Variants in SPON1 observed in about 807,000 individuals in gnomAD.
The protein encoded by SPON1 is spondin-1.
SPON1 carries 52 observed loss-of-function variants against 111.7 expected under a neutral mutation model. That is an observed-to-expected ratio of 0.47 (90% CI 0.37 to 0.59). The LOEUF (loss-of-function observed/expected upper bound fraction) is 0.59, where lower values mean the gene tolerates loss of function less well. SPON1 is among the 20% of genes least tolerant of loss of function. The pLI, the probability that SPON1 is intolerant of heterozygous loss-of-function variation, is 0.00. For missense variants in SPON1, 957 were observed against 1,068.5 expected (o/e 0.90, Z 1.46); for synonymous variants, 410 against 395.8 (o/e 1.04, Z -0.43).
Position 14,135,665 on chromosome 11 carries a change from G to A in SPON1, c.825+97G>A, listed in dbSNP as rs147720221. The A allele has an allele frequency of 6.3e-4, 785 of 1,247,096 alleles. 5 individuals are homozygous for A. The African/African-American group carries it at 9.9e-3, about 16-fold the overall frequency. The allele number at this position is 1,247,096 out of a possible 1,614,324, so 77.3% of individuals were successfully genotyped here. The stretch of plus-strand genomic sequence containing the variant: ...AGGGGCTTGAAATTTGCAGTACAAT[G>A]TGGTGGAAGAAAATCTATTTGCTGA... On this transcript the variant is annotated intron_variant, in intron 6 of 15. Coordinates refer to ENST00000576479, the MANE Select transcript of SPON1 (RefSeq NM_006108.4). This position sits in a 1 kb window ranked among gnomAD's most constrained non-coding sequence, Gnocchi z 4.4.
Position 13,967,443 on chromosome 11 carries a change from AT to A in SPON1, c.238+4304del, listed in dbSNP as rs782194011. Among the ~76,000 whole-genome samples, 50 of 152,190 alleles carry A rather than the reference AT, an allele frequency of 3.3e-4. No individual in the cohort carries two copies. In the Middle Eastern group the frequency reaches 0.01, roughly 31 times the overall value. On this transcript the variant is annotated intron_variant, in intron 1 of 15. Transcript: ENST00000576479. The stretch of plus-strand genomic sequence containing the variant: ...CATTTCCCCATAAACTAGAGGATTA[AT>A]TTAGAAACATGAAGAACCTTGTCAG...
intron 2 of SPON1, 117 bp downstream of exon 2, chr11:13,983,070 G>A: frequency 1.5e-6 from 1 of 656,190 alleles, no homozygotes; most frequent in Middle Eastern, 4.1e-4. Flanking sequence ...GGCCAACGGG[G>A]GCAGGTCCAT....
At chr11:14,091,508 C>T (rs1438137482) in intron 5 of SPON1, among the ~76,000 whole-genome samples, 6 of 152,150 alleles carry the variant, frequency 3.9e-5, no homozygotes, top group East Asian at 3.9e-4. Context: ...AGAAATTGAG[C>T]GCAGCACCGG....
intron 5 of SPON1, among the ~76,000 whole-genome samples, chr11:14,102,562 A>T (rs1849152285): frequency 6.6e-6 from 1 of 152,222 alleles, no homozygotes; most frequent in African/African-American, 2.4e-5. Context: ...TTTTGTAGCA[A>T]ATCAAAAATA....
At chr11:14,025,222 T>C (rs1310339840) in intron 2 of SPON1, among the ~76,000 whole-genome samples, 1 of 152,226 alleles carries the variant, frequency 6.6e-6, no homozygotes, top group Non-Finnish European at 1.5e-5. Context: ...TCATTCCTCC[T>C]CTTACAGACT....
At chr11:14,220,079 C>T (rs1431844041) in intron 6 of SPON1, among the ~76,000 whole-genome samples, 1 of 125,978 alleles carries the variant, frequency 7.9e-6, no homozygotes, top group Non-Finnish European at 1.6e-5. Context: ...AGAGTGAGCA[C>T]TTGGATCAAA....
intron 2 of SPON1, among the ~76,000 whole-genome samples, chr11:14,030,295 C>T (rs1848548806): frequency 6.6e-6 from 1 of 152,228 alleles, no homozygotes; most frequent in Admixed American, 6.5e-5. Context: ...CAGCCTTGCT[C>T]CCAAGCCTGG....
Position 14,079,984 on chromosome 11 carries a change from G to T in SPON1, c.639G>T (p.Gly213=), listed in dbSNP as rs147795614. 2.7e-5 allele frequency: 43 copies of T among 1,613,832 alleles called. No homozygotes were observed. The highest frequency in any genetic ancestry group is 3.3e-5 in the Admixed American group (2 of 60,002). ...CCAAGTACAGACTCACATTTTATGG[G>T]AATTGGTCCGAGAAGACACACCCAA... The part of the protein sequence containing the change: ...GTAKYRLTFY[G]NWSEKTHPKD... Residue 213 remains glycine, a synonymous_variant, in exon 5 of 16, where the codon GGG becomes GGT. Transcript: ENST00000576479.
intron 3 of SPON1, among the ~76,000 whole-genome samples, chr11:14,073,558 T>C (rs987850691): frequency 2.6e-5 from 4 of 152,308 alleles, no homozygotes; most frequent in African/African-American, 9.6e-5. Context: ...TCCACTTGCC[T>C]AATTAGCTCC....
In SPON1 at chr11:13,984,982, T is replaced by C. The variant is rs781860375; in HGVS notation, c.345+2029T>C. 2.2e-4 allele frequency among the ~76,000 whole-genome samples: 34 copies of C among 152,230 alleles called. 1 individual carries two copies. The highest frequency in any genetic ancestry group is 8.8e-5 in the Non-Finnish European group (6 of 68,040). ...GACATCCTCTCTTGTTACACAGCAG[T>C]GGTTCTCAGAATGCAGTCTCAGGAC... On this transcript the variant is annotated intron_variant, in intron 2 of 15. Transcript: ENST00000576479.
chr11:14,122,570 A>ATTT (rs1357465759), intron 5 of SPON1, among the ~76,000 whole-genome samples: 7 of 152,108 alleles, frequency 4.6e-5, no homozygotes, highest in African/African-American at 1.7e-4. Flanking sequence ...TTCCACAGTC[A>ATTT]TTTATACCCT....
chr11:14,024,375 G>A (rs184373008), intron 2 of SPON1, among the ~76,000 whole-genome samples: 1 of 152,268 alleles, frequency 6.6e-6, no homozygotes, highest in East Asian at 1.9e-4. Context: ...TCACAGGTGG[G>A]CTTGGTGCAA....
intron 4 of SPON1, among the ~76,000 whole-genome samples, chr11:14,076,179 T>A (rs1484576393): frequency 6.6e-6 from 1 of 152,200 alleles, no homozygotes; most frequent in Non-Finnish European, 1.5e-5. Flanking sequence ...GCAAAAAAAA[T>A]TGACCTTAAA....
At chr11:14,117,573 A>T (rs1186584982) in intron 5 of SPON1, among the ~76,000 whole-genome samples, 1 of 152,206 alleles carries the variant, frequency 6.6e-6, no homozygotes, top group Non-Finnish European at 1.5e-5. Context: ...CTGGATATAG[A>T]GTTTGCTAAT....
In SPON1 at chr11:14,040,743, G is replaced by C. The variant is rs1347363642; in HGVS notation, c.346-778G>C. On this transcript the variant is annotated intron_variant, in intron 2 of 15. Coordinates refer to ENST00000576479, the MANE Select transcript of SPON1 (RefSeq NM_006108.4). ...CACTCAATGAATGTTATCTAGTAATGCTATCAACACTATTCATGATACAGC... is the reference window on the plus strand; with the variant it reads ...CACTCAATGAATGTTATCTAGTAATCCTATCAACACTATTCATGATACAGC... Among the ~76,000 whole-genome samples the C allele has an allele frequency of 2.0e-5, 3 of 152,150 alleles. No individual in the cohort carries two copies. In the East Asian group the frequency reaches 5.8e-4, roughly 29 times the overall value.
intron 4 of SPON1, among the ~76,000 whole-genome samples, chr11:14,078,307 G>A (rs149843063): frequency 3.9e-5 from 6 of 152,184 alleles, no homozygotes; most frequent in East Asian, 3.9e-4. Context: ...ACCTATATCC[G>A]AAAGCCCTTT....
At chr11:14,234,854 G>A (rs782311532) in intron 6 of SPON1, among the ~76,000 whole-genome samples, 3 of 152,244 alleles carry the variant, frequency 2.0e-5, no homozygotes, top group East Asian at 1.9e-4. Flanking sequence ...CTGTGCAAAC[G>A]CATCATCTTC....
chr11:14,243,277 A>G (rs1369609985), intron 6 of SPON1, 55 bp from the exon 7 acceptor site: 12 of 1,510,028 alleles, frequency 7.9e-6, no homozygotes, highest in African/African-American at 4.2e-5. Flanking sequence ...TCAAAGCCCT[A>G]TTGTTCCCAT....
chr11:14,109,832 A>T (rs2133848263), intron 5 of SPON1, among the ~76,000 whole-genome samples: 1 of 152,310 alleles, frequency 6.6e-6, no homozygotes, highest in South Asian at 2.1e-4. Context: ...CCTTCTGAGA[A>T]TAAAGGAGGA....
Sources: allele counts gnomAD v4.1 joint callset (sites outside exome capture counted in the v4.1 genomes callset), GRCh38; gene constraint gnomAD v4.1.1; non-coding constraint Gnocchi (gnomAD v3.1); transcripts MANE v1.5; gene names NCBI Gene and HGNC (gene_info 2026-07-23, HGNC 2026-07-21).